Variants in DNAH7 observed in about 807,000 individuals in gnomAD.
The protein encoded by DNAH7 is dynein axonemal heavy chain 7.
A neutral mutation model predicts 444.6 loss-of-function variants in DNAH7; 397 were observed. The observed-to-expected ratio is 0.89, with a 90% CI of 0.82 to 0.97. The LOEUF (loss-of-function observed/expected upper bound fraction) is 0.97. Ranked by LOEUF, DNAH7 falls within the 50% of genes least tolerant of loss-of-function variation. DNAH7 has a pLI of 0.00. For missense variants in DNAH7, 4,902 were observed against 4,800.8 expected, an observed-to-expected ratio of 1.02 and a Z score of -0.62; for synonymous variants, 1,636 against 1,624.4, an observed-to-expected ratio of 1.01 and a Z score of -0.17.
Position 195,771,777 on chromosome 2 carries a change from C to G in DNAH7, c.11316G>C (p.Arg3772Ser), listed in dbSNP as rs1694853850. The G allele has an allele frequency of 6.2e-7, 1 of 1,613,980 alleles. No individual in the cohort carries two copies. Among genetic ancestry groups the G allele is most frequent in the South Asian group, 1.1e-5 (1 of 91,068 alleles). ...TGCTCTGAGTATAAGTTGTTGGGTA[C>G]CTCCTCATGGCAGCCTCGATGTCGA... The part of the protein sequence containing the change: ...NNFDIEAAMR[R>S]YPTTYTQSMN... Residue 3772 changes from arginine (R) to serine (S), a missense_variant, in exon 61 of 65, where the codon AGG (arginine) becomes AGC (serine). Arg to Ser is a moderately radical substitution (Grantham distance 110). Transcript: ENST00000312428.
At chr2:195,860,153 G>A (rs926858578) in intron 42 of DNAH7, among the ~76,000 whole-genome samples, 1 of 152,094 alleles carries the variant, frequency 6.6e-6, no homozygotes, top group Admixed American at 6.6e-5. Flanking sequence ...CAACCTGTAA[G>A]TTTGAACTTA....
intron 19 of DNAH7, among the ~76,000 whole-genome samples, chr2:195,955,499 A>G (rs1181836411): frequency 6.6e-6 from 1 of 152,080 alleles, no homozygotes; most frequent in East Asian, 1.9e-4. Flanking sequence ...GATTAAGACA[A>G]TCAAGTCTTA....
intron 33 of DNAH7, 125 bp from the exon 34 acceptor site, chr2:195,886,397 C>T (rs1701714442): frequency 3.7e-6 from 3 of 813,000 alleles, no homozygotes; most frequent in Non-Finnish European, 5.6e-6. Flanking sequence ...TTCATACTAC[C>T]TACGAGTAGG....
chr2:195,824,740 A>T (rs1697639656), intron 48 of DNAH7, among the ~76,000 whole-genome samples: 2 of 152,182 alleles, frequency 1.3e-5, no homozygotes, highest in African/African-American at 4.8e-5. Flanking sequence ...GCGCCCAGGT[A>T]TTATGGCAGT....
chr2:196,049,243 A>G (rs1697322969), intron 3 of DNAH7, among the ~76,000 whole-genome samples: 1 of 152,142 alleles, frequency 6.6e-6, no homozygotes, highest in Admixed American at 6.5e-5. Context: ...CTAATAAACT[A>G]CCTGTACACA....
intron 2 of DNAH7, among the ~76,000 whole-genome samples, chr2:196,052,548 A>G (rs1308984272): frequency 6.6e-6 from 1 of 152,248 alleles, no homozygotes; most frequent in Non-Finnish European, 1.5e-5. Flanking sequence ...AGAAGCTTAC[A>G]TGAATTAACA....
intron 56 of DNAH7, 71 bp downstream of exon 56, chr2:195,796,505 C>T (rs1254604829): frequency 6.5e-6 from 10 of 1,535,892 alleles, no homozygotes; most frequent in South Asian, 1.2e-5. Context: ...AATGGAGCTA[C>T]CCGAATGTTA....
At chr2:195,996,129 CATCATA>C (rs1435615848) in intron 12 of DNAH7, among the ~76,000 whole-genome samples, 2 of 151,918 alleles carry the variant, frequency 1.3e-5, no homozygotes, top group African/African-American at 4.9e-5. Flanking sequence ...AATGTCATAT[CATCATA>C]ATCTTTAAAC....
At chr2:196,027,272 T>A (rs954320511) in intron 6 of DNAH7, among the ~76,000 whole-genome samples, 1 of 152,010 alleles carries the variant, frequency 6.6e-6, no homozygotes, top group Admixed American at 6.6e-5. Flanking sequence ...TCTCTTTTTA[T>A]TATTATCAGA....
chr2:195,896,413 T>C (rs1485363629), intron 29 of DNAH7, among the ~76,000 whole-genome samples: 1 of 152,156 alleles, frequency 6.6e-6, no homozygotes, highest in African/African-American at 2.4e-5. Flanking sequence ...TGTTTTTTGG[T>C]ATTGTACTTA....
At chr2:195,847,080 G>GAT (rs1261987482) in intron 46 of DNAH7, among the ~76,000 whole-genome samples, 42 of 133,970 alleles carry the variant, frequency 3.1e-4, no homozygotes, top group African/African-American at 7.2e-4. Context: ...ATATATATCT[G>GAT]ATATATATAT....
chr2:195,984,495 A>G (rs182366732), intron 15 of DNAH7, 137 bp downstream of exon 15: 1,376 of 817,436 alleles, frequency 1.7e-3, no homozygotes, highest in Non-Finnish European at 2.2e-3. Flanking sequence ...CTACAGGCGC[A>G]TGCCACCACA....
Position 195,857,453 on chromosome 2 carries a change from G to C in DNAH7, c.8338C>G (p.Pro2780Ala), listed in dbSNP as rs1366463349. The change falls in exon 44 of 65, where the codon CCA (proline) becomes GCA (alanine). Residue 2780 changes from proline (P) to alanine (A), a missense_variant. Physicochemically the swap from Pro to Ala is conservative, Grantham distance 27 (BLOSUM62 -1). Coordinates refer to ENST00000312428, the MANE Select transcript of DNAH7 (RefSeq NM_018897.3). ...GTAGAAGCATTTCTGATTTTTTCTG[G>C]TACAAAATCTGGATTTGGAATATAA... ...KNYIPNPDFVPEKIRNASTAA... is the reference protein window; with the variant it reads ...KNYIPNPDFVAEKIRNASTAA... The C allele has an allele frequency of 3.1e-6, 5 of 1,612,846 alleles. No individual in the cohort carries two copies. Among genetic ancestry groups the C allele is most frequent in the Middle Eastern group, 3.3e-4 (2 of 6,080 alleles).
At chr2:195,928,262 T>C (rs1290017278) in intron 21 of DNAH7, among the ~76,000 whole-genome samples, 1 of 152,226 alleles carries the variant, frequency 6.6e-6, no homozygotes, top group Non-Finnish European at 1.5e-5. Flanking sequence ...TTCCATTCTT[T>C]TTCATGCCTG....
At chr2:195,783,152 C>G (rs1055404790) in intron 58 of DNAH7, among the ~76,000 whole-genome samples, 1 of 152,190 alleles carries the variant, frequency 6.6e-6, no homozygotes, top group Non-Finnish European at 1.5e-5. Context: ...TTCTCCCTCT[C>G]CCTTTACCAT....
At chr2:196,028,741 A>C (rs1443828668) in intron 5 of DNAH7, among the ~76,000 whole-genome samples, 1 of 152,164 alleles carries the variant, frequency 6.6e-6, no homozygotes, top group Non-Finnish European at 1.5e-5. Flanking sequence ...TGACTGTATC[A>C]TTCTCTGGAT....
rs1442623144 is a variant in DNAH7, at chr2:195,906,938, CA to C, written c.4175del (p.Val1392GlyfsTer20). On this transcript the variant is annotated frameshift_variant, in exon 26 of 65. Coordinates refer to ENST00000312428, the MANE Select transcript of DNAH7 (RefSeq NM_018897.3). LOFTEE classifies it high-confidence loss of function. ...FNRIDLEVLS[V>X]VAQQILTIQR... ...GGATAGTAAGGATTTGTTGAGCAAC[CA>C]CAGAGAGTACTTCCAAATCAATTCT... 1.9e-6 allele frequency: 3 copies of C among 1,613,074 alleles called. No individual in the cohort carries two copies. The highest frequency in any genetic ancestry group is 3.3e-4 in the Middle Eastern group (2 of 6,054).
chr2:196,016,501 G>T (rs1303968957), intron 9 of DNAH7, among the ~76,000 whole-genome samples: 1 of 152,158 alleles, frequency 6.6e-6, no homozygotes, highest in Non-Finnish European at 1.5e-5. Flanking sequence ...CTGTACAATG[G>T]AAAGGTGGAA....
intron 48 of DNAH7, among the ~76,000 whole-genome samples, chr2:195,831,703 GAAAGA>G (rs1698079471): frequency 6.6e-6 from 1 of 152,184 alleles, no homozygotes; most frequent in Non-Finnish European, 1.5e-5. Context: ...TAAATCAACT[GAAAGA>G]AAATCTTGCT....
Sources: allele counts gnomAD v4.1 joint callset (sites outside exome capture counted in the v4.1 genomes callset), GRCh38; gene constraint gnomAD v4.1.1; transcripts MANE v1.5; gene names NCBI Gene and HGNC (gene_info 2026-07-23, HGNC 2026-07-21).